BBOF1: variants seen among roughly 807,000 people sequenced by gnomAD.
BBOF1 encodes basal body-orientation factor 1.
A neutral mutation model predicts 68.0 loss-of-function variants in BBOF1; 62 were observed. The ratio of observed to expected loss-of-function variants is 0.91; its 90% CI spans 0.74 to 1.13. BBOF1 has a LOEUF of 1.13. Ranked by LOEUF, BBOF1 falls within the 50% of genes most tolerant of loss-of-function variation. The pLI is 0.00. For synonymous variants in BBOF1, 208 were observed against 198.8 expected, an observed-to-expected ratio of 1.05 and a Z score of -0.39; for missense variants, 534 against 600.1, an observed-to-expected ratio of 0.89 and a Z score of 1.15.
Position 74,050,142 on chromosome 14 carries a change from C to T in BBOF1, c.1233C>T (p.Gly411=). The change falls in exon 8 of 12, where the codon GGC becomes GGT. Residue 411 remains glycine (G), a synonymous_variant. Transcript: ENST00000394009. ...TEYPKIRTFD[G]REHSTNSVNQ... is the part of the protein sequence containing the mutation. ...ATCCCAAAATCAGAACATTTGATGG[C>T]AGAGAGCACAGCACCAATAGTGTGA... 2 of 1,600,978 alleles carry T rather than the reference C, an allele frequency of 1.2e-6. No individual in the cohort carries two copies. The highest frequency in any genetic ancestry group is 1.7e-6 in the Non-Finnish European group (2 of 1,172,970).
chr14:74,049,887 A>G lies in BBOF1; in HGVS notation c.978A>G (p.Val326=), dbSNP rs371237331. Residue 326 remains valine (V), a synonymous_variant, in exon 8 of 12, where the codon GTA becomes GTG. Transcript: ENST00000394009. ...HAMIENQAGQ[V]EIDKLQHLLQ... is the part of the protein sequence containing the mutation. ...TGATAGAGAACCAAGCAGGTCAGGT[A>G]GAAATTGACAAGCTGCAGCACCTTC... 124 of 1,614,094 alleles carry G rather than the reference A, an allele frequency of 7.7e-5. 1 individual carries two copies. The highest frequency in any genetic ancestry group is 7.7e-5 in the Non-Finnish European group (91 of 1,180,038).
At chr14:74,082,355 T>C (rs2060676959) in intron 12 of BBOF1, among the ~76,000 whole-genome samples, 1 of 151,926 alleles carries the variant, frequency 6.6e-6, no homozygotes, top group African/African-American at 2.4e-5. Flanking sequence ...ATAAATCCTT[T>C]TGATAGTTCT....
intron 9 of BBOF1, among the ~76,000 whole-genome samples, chr14:74,056,203 T>TTA (rs1292120454): frequency 6.7e-6 from 1 of 148,342 alleles, no homozygotes; most frequent in Non-Finnish European, 1.5e-5. Context: ...GGCTAATTTT[T>TTA]TTTTTTTTTT....
At chr14:74,071,305 A>C in intron 9 of BBOF1, 3 of 1,614,226 alleles carry the variant, frequency 1.9e-6, no homozygotes, top group Non-Finnish European at 2.5e-6. Flanking sequence ...TGGTTTCATT[A>C]GGAAGGTATT....
At chr14:74,071,241 A>G (rs1220594256) in intron 9 of BBOF1, 1 of 1,614,228 alleles carries the variant, frequency 6.2e-7, no homozygotes, top group South Asian at 1.1e-5. Flanking sequence ...CAGGGGCACC[A>G]GAATCCTGGA....
At chr14:74,037,023 A>C (rs532251214) in intron 4 of BBOF1, among the ~76,000 whole-genome samples, 11 of 120,266 alleles carry the variant, frequency 9.1e-5, no homozygotes, top group Middle Eastern at 8.2e-3. Flanking sequence ...CCCAGGCTGG[A>C]GTGCAGTGGT....
At chr14:74,048,578 G>A (rs1233730075) in intron 7 of BBOF1, 3 of 152,364 alleles carry the variant, frequency 2.0e-5, no homozygotes, top group South Asian at 4.1e-4. Flanking sequence ...GGCGCTGCTG[G>A]AGCTCTAACC....
intron 2 of BBOF1, among the ~76,000 whole-genome samples, chr14:74,023,814 G>A (rs1359311138): frequency 6.6e-6 from 1 of 151,692 alleles, no homozygotes; most frequent in Non-Finnish European, 1.5e-5. Flanking sequence ...TACTCGGGAG[G>A]CTGAGGCAGG....
chr14:74,062,065 A>G (rs987671793), intron 11 of BBOF1, among the ~76,000 whole-genome samples: 9 of 139,016 alleles, frequency 6.5e-5, no homozygotes, highest in South Asian at 2.2e-4. Context: ...AAAAAAAAAA[A>G]AAAAAAAAAA....
At chr14:74,033,879 A>AAAAT (rs140299640) in intron 3 of BBOF1, 149 bp from the exon 4 acceptor site, 23 of 349,264 alleles carry the variant, frequency 6.6e-5, no homozygotes, top group Admixed American at 6.0e-4. Context: ...ATAAATAAAT[A>AAAAT]AAATAAATAA....
chr14:74,042,045 A>G (rs2139525735), intron 5 of BBOF1, among the ~76,000 whole-genome samples: 1 of 152,234 alleles, frequency 6.6e-6, no homozygotes, highest in African/African-American at 2.4e-5. Context: ...TCAAACAACA[A>G]CAACAACAAC....
chr14:74,033,820 C>T (rs976908461), intron 3 of BBOF1, among the ~76,000 whole-genome samples: 14 of 151,856 alleles, frequency 9.2e-5, no homozygotes, highest in African/African-American at 2.7e-4. Context: ...GAGCCAAGAT[C>T]GCGCCATCGC....
intron 12 of BBOF1, among the ~76,000 whole-genome samples, chr14:74,082,212 CCTTTATCT>C (rs2060675339): frequency 6.6e-6 from 1 of 152,032 alleles, no homozygotes; most frequent in Non-Finnish European, 1.5e-5. Context: ...CTCGAACATT[CCTTTATCT>C]CTGCATGGGA....
chr14:74,020,424 C>T (rs1441477780), intron 1 of BBOF1, among the ~76,000 whole-genome samples: 1 of 152,042 alleles, frequency 6.6e-6, no homozygotes, highest in Non-Finnish European at 1.5e-5. Flanking sequence ...TTTCCATGAC[C>T]CATTGTTTGA....
At position 74,057,138 on chromosome 14, in the gene BBOF1, T is replaced by C. The variant is rs748100993; in HGVS notation, c.1464-6T>C. 1.1e-5 allele frequency: 17 copies of C among 1,609,950 alleles called. No individual in the cohort carries two copies. The highest frequency in any genetic ancestry group is 1.4e-5 in the Non-Finnish European group (16 of 1,177,192). Reference sequence around the variant, plus strand: ...TGACGGTTCTGTTATTTTGTCATTATTGCAGGGATGAAAGTAAGCTTCAAG... The same window carrying C: ...TGACGGTTCTGTTATTTTGTCATTACTGCAGGGATGAAAGTAAGCTTCAAG... On this transcript the variant is annotated splice_region_variant and splice_polypyrimidine_tract_variant and intron_variant, in intron 10 of 11. Coordinates refer to ENST00000394009, the MANE Select transcript of BBOF1 (RefSeq NM_025057.3).
chr14:74,048,041 G>T lies in BBOF1; in HGVS notation c.759G>T (p.Leu253Phe). ...TDALQKNSQK[L>F]QESHTLLLHQ... ...CTCTACAAAAAAACTCCCAGAAGTT[G>T]CAAGAGAGTCATACTTTACTTTTAC... is the stretch of plus-strand genomic sequence containing the variant. The change falls in exon 7 of 12, where the codon TTG becomes TTT. Residue 253 changes from leucine (L) to phenylalanine (F), a missense_variant. Leu to Phe is a conservative substitution (Grantham distance 22, BLOSUM62 0). Coordinates refer to ENST00000394009, the MANE Select transcript of BBOF1 (RefSeq NM_025057.3). 1.2e-6 allele frequency: 2 copies of T among 1,613,174 alleles called. No homozygotes were observed. The highest frequency in any genetic ancestry group is 1.7e-6 in the Non-Finnish European group (2 of 1,179,656).
intron 3 of BBOF1, among the ~76,000 whole-genome samples, chr14:74,033,394 C>G (rs928651981): frequency 6.6e-6 from 1 of 151,324 alleles, no homozygotes; most frequent in East Asian, 1.9e-4. Context: ...ATCGTGAAAC[C>G]CCATCTCTAC....
chr14:74,071,310 G>C, intron 9 of BBOF1: 2 of 1,614,164 alleles, frequency 1.2e-6, no homozygotes, highest in South Asian at 2.2e-5. Context: ...TCATTAGGAA[G>C]GTATTTCCAC....
intron 6 of BBOF1, 96 bp downstream of exon 6, chr14:74,046,226 C>A: frequency 1.8e-6 from 2 of 1,129,382 alleles, no homozygotes; most frequent in South Asian, 1.6e-5. Context: ...CCCTTCTGTT[C>A]TGGCTTACTT....
Sources: gnomAD v4.1 joint callset for allele counts (sites outside exome capture counted in the v4.1 genomes callset) on GRCh38, gnomAD v4.1.1 for gene constraint, MANE v1.5 for transcripts, NCBI Gene and HGNC (gene_info 2026-07-23, HGNC 2026-07-21) for gene names.